Variants in MYCBP2 observed in about 807,000 individuals in gnomAD.
MYCBP2 encodes the protein MYC binding protein 2.
Under a neutral mutation model 525.3 loss-of-function variants are expected in MYCBP2, and 120 were observed. The ratio of observed to expected loss-of-function variants is 0.23; its 90% CI spans 0.20 to 0.27. The LOEUF is 0.27. MYCBP2 is among the 10% of genes least tolerant of loss of function. MYCBP2 has a pLI of 1.00. For missense variants in MYCBP2, 4,149 were observed against 5,657.1 expected, an observed-to-expected ratio of 0.73 and a Z score of 8.55; for synonymous variants, 1,894 against 1,955.8, an observed-to-expected ratio of 0.97 and a Z score of 0.83.
intron 23 of MYCBP2, among the ~76,000 whole-genome samples, chr13:77,210,460 G>A (rs997803839): frequency 3.3e-5 from 5 of 152,102 alleles, no homozygotes; most frequent in Admixed American, 6.5e-5. Context: ...CCAAAGTGCT[G>A]GGATTACAGG....
intron 37 of MYCBP2, among the ~76,000 whole-genome samples, 167 bp from the exon 38 acceptor site, chr13:77,171,801 GA>G (rs2059167935): frequency 6.6e-6 from 1 of 152,146 alleles, no homozygotes; most frequent in Non-Finnish European, 1.5e-5. Flanking sequence ...GGGCTTTGAA[GA>G]AAAACAAAGC....
At chr13:77,309,978 G>T (rs1209343854) in intron 1 of MYCBP2, among the ~76,000 whole-genome samples, 3 of 152,088 alleles carry the variant, frequency 2.0e-5, no homozygotes, top group Non-Finnish European at 4.4e-5. Context: ...TGGGCGTGGT[G>T]GTGGGTGCCT....
chr13:77,307,262 G>T (rs1262668909), intron 1 of MYCBP2, among the ~76,000 whole-genome samples: 2 of 152,052 alleles, frequency 1.3e-5, no homozygotes, highest in African/African-American at 4.8e-5. Context: ...CCATCCTTGA[G>T]ATTTTGCTCA....
chr13:77,204,867 G>A (rs2063123720), intron 26 of MYCBP2, among the ~76,000 whole-genome samples: 1 of 129,026 alleles, frequency 7.8e-6, no homozygotes, highest in African/African-American at 2.9e-5. Context: ...ATGGACACAG[G>A]AAGGGGAACA....
At chr13:77,162,054 A>T in intron 43 of MYCBP2, 99 bp from the exon 44 acceptor site, 1 of 780,928 alleles carries the variant, frequency 1.3e-6, no homozygotes, top group Non-Finnish European at 2.1e-6. Context: ...TAAAAAAATA[A>T]TTCTGCTATT....
chr13:77,205,063 A>C (rs9565324), intron 26 of MYCBP2, among the ~76,000 whole-genome samples, 193 bp downstream of exon 26: 8,345 of 151,974 alleles, frequency 0.055, 382 homozygotes, highest in East Asian at 0.17. Context: ...ATAAATAAAT[A>C]AATTTAAAAA....
Position 77,169,621 on chromosome 13 carries a change from ATAG to A in MYCBP2, c.5885_5887del (p.Ala1962_Ile1963delinsVal). On this transcript the variant is annotated inframe_deletion, in exon 39 of 83. Coordinates refer to ENST00000544440, the MANE Select transcript of MYCBP2 (RefSeq NM_015057.5). ...TAGAATTAAATTACACACCTTGGGA[ATAG>A]CAGCAGCTACTGGTCCTATGTAGGC... 1 of 1,611,430 alleles carries A rather than the reference ATAG, an allele frequency of 6.2e-7. No homozygotes were observed. Among genetic ancestry groups the A allele is most frequent in the Non-Finnish European group, 8.5e-7 (1 of 1,177,808 alleles).
At chr13:77,174,615 A>G (rs2059437251) in intron 36 of MYCBP2, 126 bp from the exon 37 acceptor site, 14 of 712,976 alleles carry the variant, frequency 2.0e-5, no homozygotes, top group South Asian at 1.7e-4. Context: ...ATATAATTAA[A>G]TAAGTTTTTA....
At chr13:77,268,741 T>C (rs1291793310) in intron 7 of MYCBP2, among the ~76,000 whole-genome samples, 1 of 151,350 alleles carries the variant, frequency 6.6e-6, no homozygotes, top group African/African-American at 2.4e-5. Flanking sequence ...ATCACGCCAC[T>C]GCATTCCAGC....
intron 52 of MYCBP2, 25 bp from the exon 53 acceptor site, chr13:77,126,567 A>G: frequency 6.4e-7 from 1 of 1,552,608 alleles, no homozygotes; most frequent in Non-Finnish European, 8.8e-7. Context: ...AGGAAAGAAA[A>G]ATAAACAAAA....
chr13:77,153,723 G>T (rs541913179), intron 46 of MYCBP2, among the ~76,000 whole-genome samples: 1 of 148,478 alleles, frequency 6.7e-6, no homozygotes, highest in South Asian at 2.2e-4. Context: ...ACTTTCTCTT[G>T]TCAATAAATA....
intron 63 of MYCBP2, among the ~76,000 whole-genome samples, chr13:77,082,747 T>C (rs2043515797): frequency 6.6e-6 from 1 of 152,104 alleles, no homozygotes; most frequent in African/African-American, 2.4e-5. Context: ...TTGGGACATT[T>C]AAGTGATTTG....
chr13:77,249,994 C>T (rs1001118450), intron 15 of MYCBP2, among the ~76,000 whole-genome samples: 10 of 152,102 alleles, frequency 6.6e-5, no homozygotes, highest in South Asian at 2.1e-4. Context: ...GAGGCCGAGG[C>T]GGGCGGATCA....
chr13:77,214,550 T>C (rs1012810315), intron 21 of MYCBP2, among the ~76,000 whole-genome samples: 5 of 152,190 alleles, frequency 3.3e-5, no homozygotes, highest in African/African-American at 9.6e-5. Context: ...ATATAGGCTA[T>C]TACCTTTAAA....
rs775562538 is a variant in MYCBP2, at chr13:77,260,411, ACT to A, written c.2017+15_2017+16del. On this transcript the variant is annotated intron_variant, in intron 13 of 82. Coordinates refer to ENST00000544440, the MANE Select transcript of MYCBP2 (RefSeq NM_015057.5). ...TGAAACTTCTTTGCATAAAAGTAAA[ACT>A]TTTTATTAACTTACTTGAACTATCA... is the stretch of plus-strand genomic sequence containing the variant. The A allele has an allele frequency of 5.2e-6, 8 of 1,529,868 alleles. No individual in the cohort carries two copies. The Admixed American group carries it at 1.8e-4, about 35-fold the overall frequency. 94.8% of individuals were successfully genotyped at this position (1,529,868 alleles called of 1,614,324 possible).
intron 55 of MYCBP2, chr13:77,118,488 T>C (rs772127989): frequency 7.8e-6 from 6 of 764,818 alleles, no homozygotes; most frequent in Admixed American, 3.4e-5. Flanking sequence ...TGGCACTCAG[T>C]TGGTCACCTG....
At chr13:77,150,600 T>C in intron 47 of MYCBP2, 134 bp downstream of exon 47, 1 of 696,358 alleles carries the variant, frequency 1.4e-6, no homozygotes, top group Non-Finnish European at 2.4e-6. Flanking sequence ...TCTTAATAAG[T>C]GTTGCTGCAA....
In MYCBP2 at chr13:77,081,644, C is replaced by A; in HGVS notation, c.11201G>T (p.Cys3734Phe). The change falls in exon 65 of 83, where the codon TGC becomes TTC. Residue 3734 changes from cysteine (C) to phenylalanine (F), a missense_variant. Coordinates refer to ENST00000544440, the MANE Select transcript of MYCBP2 (RefSeq NM_015057.5). This position sits in a 1 kb window ranked among gnomAD's most constrained non-coding sequence, Gnocchi z 4.6. ...SGFEAMSQEL[C>F]IVMCLKDLTS... ...TAAGTCCTTTAAGCACATTACTATGCATAATTCCTATCAGAAACAAATATA... is the reference window on the plus strand; with the variant it reads ...TAAGTCCTTTAAGCACATTACTATGAATAATTCCTATCAGAAACAAATATA... 6.2e-7 allele frequency: 1 copy of A among 1,601,112 alleles called. No homozygotes were observed.
chr13:77,099,120 T>C (rs1383758292), intron 55 of MYCBP2, 107 bp from the exon 56 acceptor site: 2 of 1,376,950 alleles, frequency 1.5e-6, no homozygotes, highest in East Asian at 2.4e-5. Context: ...ATTTATATTG[T>C]TTGTCATACA....
Sources: allele counts gnomAD v4.1 joint callset (sites outside exome capture counted in the v4.1 genomes callset), GRCh38; gene constraint gnomAD v4.1.1; non-coding constraint Gnocchi (gnomAD v3.1); transcripts MANE v1.5; gene names NCBI Gene and HGNC (gene_info 2026-07-23, HGNC 2026-07-21).